Variants in INPP5F observed in about 807,000 individuals in gnomAD.
The protein encoded by INPP5F is inositol polyphosphate-5-phosphatase F, also known as phosphatidylinositide 4-phosphatase SAC2.
Under a neutral mutation model 137.2 loss-of-function variants are expected in INPP5F, and 97 were observed. The ratio of observed to expected loss-of-function variants is 0.71; its 90% confidence interval spans 0.60 to 0.84. The LOEUF (loss-of-function observed/expected upper bound fraction) is 0.84. Ranked by LOEUF, INPP5F falls within the 40% of genes least tolerant of loss-of-function variation. The pLI is 0.00. For missense variants in INPP5F, 1,271 were observed against 1,371.9 expected, an observed-to-expected ratio of 0.93 and a Z score of 1.16; for synonymous variants, 504 against 476.9, an observed-to-expected ratio of 1.06 and a Z score of -0.74.
chr10:119,769,753 G>A (rs1266473990), intron 2 of INPP5F, among the ~76,000 whole-genome samples: 2 of 152,172 alleles, frequency 1.3e-5, no homozygotes, highest in Non-Finnish European at 2.9e-5. Context: ...CAGCCTCCCA[G>A]TTCTCAGGCC....
At position 119,800,905 on chromosome 10, in the gene INPP5F, A is replaced by G. The variant is rs143322878; in HGVS notation, c.1116+2295A>G. Among the ~76,000 whole-genome samples, 463 of 148,688 alleles carry G rather than the reference A, an allele frequency of 3.1e-3. 3 individuals are homozygous for G. Among genetic ancestry groups the G allele is most frequent in the African/African-American group, 0.011 (434 of 40,300 alleles). Reference sequence around the variant, plus strand: ...GCGGAGGTTGCAGTGAGCCAAGATCATACCACTGTGCTCCAGCAGGTGACA... The same window carrying G: ...GCGGAGGTTGCAGTGAGCCAAGATCGTACCACTGTGCTCCAGCAGGTGACA... On this transcript the variant is annotated intron_variant, in intron 9 of 19. Transcript: ENST00000650623.
At chr10:119,738,174 A>G (rs1236642819) in intron 1 of INPP5F, among the ~76,000 whole-genome samples, 1 of 152,256 alleles carries the variant, frequency 6.6e-6, no homozygotes, top group East Asian at 1.9e-4. Flanking sequence ...GCTTATTGCA[A>G]ATACTTATGA....
intron 10 of INPP5F, 126 bp downstream of exon 10, chr10:119,804,423 G>A: frequency 2.5e-6 from 2 of 804,826 alleles, no homozygotes; most frequent in Non-Finnish European, 3.7e-6. Flanking sequence ...AAAGAAAAAG[G>A]GTATCATTCA....
At chr10:119,795,946 C>T (rs1292840998) in intron 6 of INPP5F, among the ~76,000 whole-genome samples, 4 of 152,076 alleles carry the variant, frequency 2.6e-5, no homozygotes, top group Admixed American at 6.5e-5. Context: ...GGCGTGGCGG[C>T]GCGCGCCTGC....
At chr10:119,788,179 G>A (rs1454076325) in intron 3 of INPP5F, among the ~76,000 whole-genome samples, 1 of 152,172 alleles carries the variant, frequency 6.6e-6, no homozygotes, top group African/African-American at 2.4e-5. Flanking sequence ...AATATTTGGG[G>A]AGCAGGTGTT....
At position 119,748,346 on chromosome 10, in the gene INPP5F, G is replaced by T. The variant is rs918837288; in HGVS notation, c.98-2730G>T. 6.6e-6 allele frequency among the ~76,000 whole-genome samples: 1 copy of T among 152,218 alleles called. No individual in the cohort carries two copies. The highest frequency in any genetic ancestry group is 1.9e-4 in the East Asian group (1 of 5,192). On this transcript the variant is annotated intron_variant, in intron 1 of 19. Coordinates refer to ENST00000650623, the MANE Select transcript of INPP5F (RefSeq NM_014937.4). This position sits in a 1 kb window ranked among gnomAD's most constrained non-coding sequence, Gnocchi z 4.7. ...CACTGTCACAGCCCTGGCTCGGAGA[G>T]CCCCTAGGTCTGGTGTTCCCGAAGG...
intron 15 of INPP5F, among the ~76,000 whole-genome samples, chr10:119,817,850 T>C (rs1165346594): frequency 1.3e-5 from 2 of 152,222 alleles, no homozygotes; most frequent in Non-Finnish European, 2.9e-5. Context: ...TTAAAAAATA[T>C]TGCACCAATT....
At chr10:119,786,744 C>T (rs1005047194) in intron 3 of INPP5F, among the ~76,000 whole-genome samples, 2 of 151,794 alleles carry the variant, frequency 1.3e-5, no homozygotes, top group Non-Finnish European at 2.9e-5. Context: ...GTCTTGAATA[C>T]CTGGGCTTAA....
At chr10:119,789,491 G>A (rs1443196441) in intron 3 of INPP5F, among the ~76,000 whole-genome samples, 1 of 152,084 alleles carries the variant, frequency 6.6e-6, no homozygotes, top group Non-Finnish European at 1.5e-5. Context: ...ATCAAGGAGG[G>A]TGGGGTGTGT....
At chr10:119,765,876 TATATAGAGAG>T (rs1294530016) in intron 2 of INPP5F, among the ~76,000 whole-genome samples, 198 of 25,728 alleles carry the variant, frequency 7.7e-3, no homozygotes, top group African/African-American at 0.014. Flanking sequence ...TATATATATA[TATATAGAGAG>T]AGAGAGAGAG....
chr10:119,824,853 A>G (rs377266329), intron 19 of INPP5F, among the ~76,000 whole-genome samples: 1 of 152,290 alleles, frequency 6.6e-6, no homozygotes, highest in African/African-American at 2.4e-5. Context: ...TTTTTAACCT[A>G]TACAGATTAA....
At chr10:119,795,059 G>A (rs1439143335) in intron 6 of INPP5F, among the ~76,000 whole-genome samples, 1 of 139,508 alleles carries the variant, frequency 7.2e-6, no homozygotes, top group Non-Finnish European at 1.6e-5. Flanking sequence ...GGATGGGGCG[G>A]CTGGCCGGGC....
At position 119,787,510 on chromosome 10, in the gene INPP5F, G is replaced by A. The variant is rs113588221; in HGVS notation, c.316-4007G>A. ...GAAGAACCGCTTGGATCTGGGAGGC[G>A]GAGGTTGCAGCAAGCTGAGATCGCG... On this transcript the variant is annotated intron_variant, in intron 3 of 19. Coordinates refer to ENST00000650623, the MANE Select transcript of INPP5F (RefSeq NM_014937.4). This position sits in a 1 kb window ranked among gnomAD's most constrained non-coding sequence, Gnocchi z 4.1. Among the ~76,000 whole-genome samples the A allele has an allele frequency of 1.3e-5, 2 of 152,128 alleles. No individual in the cohort carries two copies. Among genetic ancestry groups the A allele is most frequent in the African/African-American group, 4.8e-5 (2 of 41,502 alleles).
chr10:119,747,951 T>C (rs542467193), intron 1 of INPP5F, among the ~76,000 whole-genome samples: 67 of 152,332 alleles, frequency 4.4e-4, no homozygotes, highest in African/African-American at 1.5e-3. Context: ...GGGTGTTGCT[T>C]TTCCACCTGG....
rs180849016 is a variant in INPP5F, at chr10:119,796,766, A to G, written c.721A>G (p.Ile241Val). 2 of 1,613,632 alleles carry G rather than the reference A, an allele frequency of 1.2e-6. No homozygotes were observed. The highest frequency in any genetic ancestry group is 2.7e-5 in the African/African-American group (2 of 75,000). Residue 241 changes from isoleucine (I) to valine (V), a missense_variant, in exon 7 of 20, where the codon ATT becomes GTT. Ile to Val is a conservative substitution (Grantham distance 29). Transcript: ENST00000650623. ...IIPMIQGFVQIEELVVNYTES... is the reference protein window; with the variant it reads ...IIPMIQGFVQVEELVVNYTES... ...CCCCATGATCCAAGGTTTTGTGCAG[A>G]TTGAAGAACTTGTGGTTAATTATAC...
chr10:119,821,337 CGTGT>C (rs3067616), intron 16 of INPP5F, among the ~76,000 whole-genome samples: 32 of 150,038 alleles, frequency 2.1e-4, no homozygotes, highest in Non-Finnish European at 2.5e-4. Context: ...TATGCAATAA[CGTGT>C]GTGTGTGTGT....
At chr10:119,811,709 T>C (rs1354741086) in intron 14 of INPP5F, 48 bp from the exon 15 acceptor site, 4 of 1,447,086 alleles carry the variant, frequency 2.8e-6, no homozygotes, top group Non-Finnish European at 3.8e-6. Context: ...TTTTTAAAAA[T>C]ATATTAGTAA....
rs1412717328 is a variant in INPP5F, at chr10:119,823,892, A to G, written c.2239A>G (p.Lys747Glu). The change falls in exon 19 of 20, where the codon AAA becomes GAA. Residue 747 changes from lysine to glutamate, a missense_variant. By Grantham distance (56) the Lys-to-Glu change is moderately conservative. This residue lies in a region of INPP5F where 593 missense variants were observed against 712.4 expected (regional missense o/e 0.83). Transcript: ENST00000650623. ...MGSDLPIIEK[K>E]LERKSSKPHE... ...ATCGGATTTACCCATAATTGAGAAG[A>G]AACTTGAGAGGTGAGTATACTGCTT... The G allele has an allele frequency of 6.2e-7, 1 of 1,612,798 alleles. No homozygotes were observed. The highest frequency in any genetic ancestry group is 8.5e-7 in the Non-Finnish European group (1 of 1,178,826).
intron 1 of INPP5F, 77 bp downstream of exon 1, chr10:119,726,436 C>T (rs1361705294): frequency 1.2e-6 from 1 of 842,174 alleles, no homozygotes; most frequent in East Asian, 4.2e-5. Context: ...ACCCCTCAGC[C>T]GGGCGGGAGG....
Sources: gnomAD v4.1 joint callset for allele counts (sites outside exome capture counted in the v4.1 genomes callset) on GRCh38, gnomAD v4.1.1 for gene constraint, gnomAD v4.1.1 regional missense constraint, Gnocchi (gnomAD v3.1) non-coding constraint, MANE v1.5 for transcripts, NCBI Gene and HGNC (gene_info 2026-07-23, HGNC 2026-07-21) for gene names.